The following LIPH variants were observed in gnomAD, a reference collection of about 807,000 sequenced individuals.
LIPH encodes the protein lipase member H.
A neutral mutation model predicts 47.6 loss-of-function variants in LIPH; 32 were observed. The observed-to-expected ratio is 0.67, with a 90% CI of 0.51 to 0.90. The LOEUF is 0.90. LIPH is among the 40% of genes least tolerant of loss of function. The pLI is 0.00. For synonymous variants in LIPH, 190 were observed against 195.6 expected (o/e 0.97, Z 0.24); for missense variants, 497 against 541.4 (o/e 0.92, Z 0.81).
At chr3:185,518,658 GAA>G (rs549595739) in intron 6 of LIPH, among the ~76,000 whole-genome samples, 2 of 149,966 alleles carry the variant, frequency 1.3e-5, no homozygotes, top group African/African-American at 4.9e-5. Context: ...AAGCTGACTA[GAA>G]AAAAAAAGTC....
intron 4 of LIPH, among the ~76,000 whole-genome samples, chr3:185,527,048 G>C (rs1253176411): frequency 3.9e-5 from 6 of 152,054 alleles, no homozygotes; most frequent in Admixed American, 3.9e-4. Flanking sequence ...GACCATCCTG[G>C]CTAACACGGT....
At chr3:185,527,323 A>G (rs1272300417) in intron 4 of LIPH, among the ~76,000 whole-genome samples, 161 bp downstream of exon 4, 1 of 151,958 alleles carries the variant, frequency 6.6e-6, no homozygotes, top group African/African-American at 2.4e-5. Context: ...GCCTACATTA[A>G]ACCAGCTTCC....
intron 1 of LIPH, among the ~76,000 whole-genome samples, chr3:185,543,138 G>A (rs1720765621): frequency 6.6e-6 from 1 of 152,122 alleles, no homozygotes; most frequent in Admixed American, 6.6e-5. Flanking sequence ...GAACCCGGGA[G>A]GCAGAGGTCG....
intron 1 of LIPH, among the ~76,000 whole-genome samples, chr3:185,547,341 A>G (rs1720907318): frequency 6.6e-6 from 1 of 152,160 alleles, no homozygotes; most frequent in African/African-American, 2.4e-5. Flanking sequence ...TGTAGTGCCC[A>G]GTCAGGAAGT....
In LIPH at chr3:185,506,716, C is replaced by T. The variant is rs1235470791; in HGVS notation, c.*2074G>A. 1 of 151,580 alleles carries T rather than the reference C, an allele frequency of 6.6e-6. No individual in the cohort carries two copies. The highest frequency in any genetic ancestry group is 6.6e-5 in the Admixed American group (1 of 15,114). The allele number at this position is 151,580 out of a possible 1,614,324, so 9.4% of individuals were successfully genotyped here. ...AGGCATGGTGGGGGCGCCTGTAATC[C>T]CAGCTACTTGGGAGGCTGAGGCAGA... is the stretch of plus-strand genomic sequence containing the variant. On this transcript the variant is annotated 3_prime_UTR_variant, in exon 10 of 10. Coordinates refer to ENST00000296252, the MANE Select transcript of LIPH (RefSeq NM_139248.3).
chr3:185,510,838 C>T (rs965919688), intron 9 of LIPH, among the ~76,000 whole-genome samples: 4 of 152,202 alleles, frequency 2.6e-5, no homozygotes, highest in Admixed American at 2.6e-4. Context: ...TTATACTAGG[C>T]TCTGTTTAAT....
In LIPH at chr3:185,507,799, T is replaced by A. The variant is rs756276596; in HGVS notation, c.*991A>T. On this transcript the variant is annotated 3_prime_UTR_variant, in exon 10 of 10. Coordinates refer to ENST00000296252, the MANE Select transcript of LIPH (RefSeq NM_139248.3). ...TAGGATCGTGGACAGTATTTTTTTT[T>A]AATTTTGTATCTACGCATTTTCTAA... is the stretch of plus-strand genomic sequence containing the variant. The A allele has an allele frequency of 3.9e-5, 6 of 152,206 alleles. No individual in the cohort carries two copies. The highest frequency in any genetic ancestry group is 8.8e-5 in the Non-Finnish European group (6 of 68,034). The allele number at this position is 152,206 out of a possible 1,614,324, so 9.4% of individuals were successfully genotyped here.
At position 185,527,479 on chromosome 3, in the gene LIPH, G is replaced by A. The variant is rs764864944; in HGVS notation, c.628+5C>T. On this transcript the variant is annotated splice_donor_5th_base_variant and intron_variant, in intron 4 of 9. Coordinates refer to ENST00000296252, the MANE Select transcript of LIPH (RefSeq NM_139248.3). ...GTCACTGACCCACAAGGAAAGGAGCGTTACCATCAGTGTCGGAATGGATGA... is the reference window on the plus strand; with the variant it reads ...GTCACTGACCCACAAGGAAAGGAGCATTACCATCAGTGTCGGAATGGATGA... 55 of 1,598,314 alleles carry A rather than the reference G, an allele frequency of 3.4e-5. No individual in the cohort carries two copies. Among genetic ancestry groups the A allele is most frequent in the Non-Finnish European group, 4.4e-5 (51 of 1,166,284 alleles).
Position 185,528,355 on chromosome 3 carries a change from A to AAAGAAAGAAAGAAAGAAAGAAAGAAAGC in LIPH, c.527-771_527-770insGCTTTCTTTCTTTCTTTCTTTCTTTCTT, listed in dbSNP as rs1410025611. Among the ~76,000 whole-genome samples, 248 of 151,810 alleles carry AAAGAAAGAAAGAAAGAAAGAAAGAAAGC rather than the reference A, an allele frequency of 1.6e-3. 1 individual carries two copies. The highest frequency in any genetic ancestry group is 3.4e-3 in the Middle Eastern group (1 of 290). Reference sequence around the variant, plus strand: ...GAAAGAAAGAAAGAAAGAAAGAAAGAAAGCGCTATACTCATCTTTATCCCA... The same window carrying AAAGAAAGAAAGAAAGAAAGAAAGAAAGC: ...GAAAGAAAGAAAGAAAGAAAGAAAGAAAGAAAGAAAGAAAGAAAGAAAGAAAGCAAGCGCTATACTCATCTTTATCCCA... On this transcript the variant is annotated intron_variant, in intron 3 of 9. Transcript: ENST00000296252.
At chr3:185,547,165 G>T (rs966564861) in intron 1 of LIPH, among the ~76,000 whole-genome samples, 1 of 151,652 alleles carries the variant, frequency 6.6e-6, no homozygotes, top group African/African-American at 2.4e-5. Context: ...AGGTATCTCA[G>T]ACCCATCTCA....
At chr3:185,541,570 A>AT (rs1211667083) in intron 1 of LIPH, among the ~76,000 whole-genome samples, 3 of 149,974 alleles carry the variant, frequency 2.0e-5, no homozygotes, top group Admixed American at 6.7e-5. Context: ...ACACCAGGCT[A>AT]TTTTTTTTGA....
At position 185,535,028 on chromosome 3, in the gene LIPH, T is replaced by C; in HGVS notation, c.154A>G (p.Thr52Ala). ...RLMLYTRKNL[T>A]CAQTINSSAF... is the part of the protein sequence containing the mutation. The stretch of plus-strand genomic sequence containing the variant: ...GAGGAGTTGATGGTTTGTGCGCAGG[T>C]CAGGTTTTTCCTTGTGTAGAGCATC... Residue 52 changes from threonine (T) to alanine (A), a missense_variant, in exon 2 of 10, where the codon ACC becomes GCC. Thr to Ala is a moderately conservative substitution (Grantham distance 58, BLOSUM62 0). Coordinates refer to ENST00000296252, the MANE Select transcript of LIPH (RefSeq NM_139248.3). 5.0e-6 allele frequency: 8 copies of C among 1,613,690 alleles called. No homozygotes were observed. The highest frequency in any genetic ancestry group is 6.8e-6 in the Non-Finnish European group (8 of 1,179,760).
At chr3:185,529,962 GA>G (rs1326030820) in intron 3 of LIPH, among the ~76,000 whole-genome samples, 1,095 of 57,348 alleles carry the variant, frequency 0.019, 18 homozygotes, top group South Asian at 0.038. Flanking sequence ...AAGAAAGAAA[GA>G]AGGAAAGAAA....
At chr3:185,517,349 G>A (rs1189226822) in intron 6 of LIPH, among the ~76,000 whole-genome samples, 187 bp from the exon 7 acceptor site, 1 of 152,132 alleles carries the variant, frequency 6.6e-6, no homozygotes, top group Admixed American at 6.6e-5. Flanking sequence ...GTCCCTAAGA[G>A]CTGAAGGGCA....
chr3:185,551,914 T>C (rs2148968804), intron 1 of LIPH, among the ~76,000 whole-genome samples: 1 of 152,210 alleles, frequency 6.6e-6, no homozygotes, highest in African/African-American at 2.4e-5. Context: ...GTTATAAGAA[T>C]GCCAGGAACC....
chr3:185,538,772 TATATACACAC>T (rs1456521512), intron 1 of LIPH, among the ~76,000 whole-genome samples: 39 of 3,266 alleles, frequency 0.012, no homozygotes, highest in African/African-American at 0.014. Flanking sequence ...TATATGTACA[TATATACACAC>T]ATATATACAT....
chr3:185,552,334 G>A (rs987129782), intron 1 of LIPH, 89 bp downstream of exon 1: 56 of 894,982 alleles, frequency 6.3e-5, no homozygotes, highest in Non-Finnish European at 2.8e-5. Flanking sequence ...TAAGTTCACC[G>A]AAGGAAGTGG....
At chr3:185,522,642 G>GAA (rs55708932) in intron 5 of LIPH, among the ~76,000 whole-genome samples, 8 of 138,204 alleles carry the variant, frequency 5.8e-5, no homozygotes, top group African/African-American at 1.9e-4. Context: ...AAAAGAAAGA[G>GAA]AGAAAGAAAA....
chr3:185,552,436 G>A lies in LIPH; in HGVS notation c.36C>T (p.Cys12=), dbSNP rs1250128307. 1 of 1,607,366 alleles carries A rather than the reference G, an allele frequency of 6.2e-7. No homozygotes were observed. Among genetic ancestry groups the A allele is most frequent in the Non-Finnish European group, 8.5e-7 (1 of 1,173,924 alleles). Reference sequence around the variant, plus strand: ...TAAATAACCTACCTGATCTTGACAAGCACAACAAACTGATGAATAAGTAGA... The same window carrying A: ...TAAATAACCTACCTGATCTTGACAAACACAACAAACTGATGAATAAGTAGA... The part of the protein sequence containing the change: ...LRFYLFISLL[C]LSRSDAEETC... The change falls in exon 1 of 10, where the codon TGC becomes TGT. Residue 12 remains cysteine, a synonymous_variant. Transcript: ENST00000296252.
Sources: gnomAD v4.1 joint callset for allele counts (sites outside exome capture counted in the v4.1 genomes callset) on GRCh38, gnomAD v4.1.1 for gene constraint, MANE v1.5 for transcripts, NCBI Gene and HGNC (gene_info 2026-07-23, HGNC 2026-07-21) for gene names.